The following KCTD16 variants were observed in gnomAD, a reference collection of about 807,000 sequenced individuals.
The protein encoded by KCTD16 is BTB/POZ domain-containing protein KCTD16.
Under a neutral mutation model 33.2 loss-of-function variants are expected in KCTD16, and 13 were observed. The ratio of observed to expected loss-of-function variants is 0.39; its 90% CI spans 0.25 to 0.62. The LOEUF (loss-of-function observed/expected upper bound fraction) is 0.62. Among genes scored for constraint, KCTD16 ranks in the 20% least tolerant of loss-of-function variants. The pLI is 0.50. For missense variants in KCTD16, 441 were observed against 525.1 expected (o/e 0.84, Z 1.57); for synonymous variants, 197 against 195.3 (o/e 1.01, Z -0.07).
At chr5:144,278,742 C>T (rs1221411158) in intron 3 of KCTD16, among the ~76,000 whole-genome samples, 2 of 152,088 alleles carry the variant, frequency 1.3e-5, no homozygotes, top group African/African-American at 4.8e-5. Flanking sequence ...CATGATCCAC[C>T]CGCCTCGGCC....
At chr5:144,425,730 G>A (rs1378067083) in intron 3 of KCTD16, among the ~76,000 whole-genome samples, 1 of 152,058 alleles carries the variant, frequency 6.6e-6, no homozygotes, top group Non-Finnish European at 1.5e-5. Flanking sequence ...GCACTGTGCT[G>A]GAATGCAAGG....
intron 3 of KCTD16, among the ~76,000 whole-genome samples, chr5:144,330,822 C>T (rs1030268102): frequency 1.3e-5 from 2 of 152,134 alleles, no homozygotes; most frequent in African/African-American, 4.8e-5. Context: ...GGTGTGATCC[C>T]GAAGCACACA....
At chr5:144,241,575 A>G (rs560792291) in intron 3 of KCTD16, among the ~76,000 whole-genome samples, 14 of 152,312 alleles carry the variant, frequency 9.2e-5, no homozygotes, top group Non-Finnish European at 1.9e-4. Context: ...AAGGATTGTA[A>G]GTATAAAGAC....
intron 3 of KCTD16, among the ~76,000 whole-genome samples, chr5:144,324,742 G>T (rs1487577561): frequency 6.6e-6 from 1 of 152,314 alleles, no homozygotes. Flanking sequence ...ATACTATGCA[G>T]CCATAAAAAG....
intron 3 of KCTD16, among the ~76,000 whole-genome samples, chr5:144,405,895 G>A (rs1752800378): frequency 6.6e-6 from 1 of 152,080 alleles, no homozygotes; most frequent in Non-Finnish European, 1.5e-5. Flanking sequence ...TAAAACCATT[G>A]GTGATACTAA....
intron 3 of KCTD16, among the ~76,000 whole-genome samples, chr5:144,383,555 A>G (rs961247221): frequency 6.6e-6 from 1 of 152,078 alleles, no homozygotes; most frequent in Non-Finnish European, 1.5e-5. Flanking sequence ...GAAAAAAAAA[A>G]AAAGAAACAT....
chr5:144,361,280 C>A (rs949866933), intron 3 of KCTD16, among the ~76,000 whole-genome samples: 1 of 152,154 alleles, frequency 6.6e-6, no homozygotes, highest in Admixed American at 6.5e-5. Context: ...TGGGTGTATA[C>A]CTAGTAATGG....
chr5:144,289,053 C>G (rs957125506), intron 3 of KCTD16, among the ~76,000 whole-genome samples: 3 of 151,980 alleles, frequency 2.0e-5, no homozygotes, highest in Admixed American at 1.3e-4. Flanking sequence ...AACAAGCAAG[C>G]AAGCATCCTG....
intron 3 of KCTD16, among the ~76,000 whole-genome samples, chr5:144,280,633 CAT>C (rs1448233254): frequency 1.3e-5 from 2 of 152,198 alleles, no homozygotes; most frequent in East Asian, 3.9e-4. Flanking sequence ...GGTTTTAAAA[CAT>C]GTTTTCCGGC....
intron 3 of KCTD16, among the ~76,000 whole-genome samples, chr5:144,277,162 T>C (rs986546943): frequency 2.0e-5 from 3 of 152,226 alleles, no homozygotes; most frequent in Admixed American, 2.0e-4. Context: ...TTTGAAAAGT[T>C]TGCTGTAGGG....
intron 3 of KCTD16, among the ~76,000 whole-genome samples, chr5:144,419,960 A>T (rs774678060): frequency 1.3e-5 from 2 of 152,050 alleles, no homozygotes; most frequent in Non-Finnish European, 2.9e-5. Context: ...CCTAGGAAGA[A>T]CTCCTGAAGC....
chr5:144,214,084 A>T (rs1461230500), intron 3 of KCTD16, among the ~76,000 whole-genome samples: 1 of 152,116 alleles, frequency 6.6e-6, no homozygotes, highest in Non-Finnish European at 1.5e-5. Flanking sequence ...GTGTTTCCCA[A>T]GCTTCTTCTC....
intron 3 of KCTD16, among the ~76,000 whole-genome samples, chr5:144,328,989 A>G (rs1014108961): frequency 2.0e-5 from 3 of 152,124 alleles, no homozygotes; most frequent in African/African-American, 7.2e-5. Flanking sequence ...ATGAACTATA[A>G]ATATGATCAC....
At chr5:144,364,362 C>T (rs1273735603) in intron 3 of KCTD16, among the ~76,000 whole-genome samples, 1 of 152,112 alleles carries the variant, frequency 6.6e-6, no homozygotes, top group Admixed American at 6.6e-5. Flanking sequence ...TTCTCTCTAC[C>T]TCAGTGAGTG....
intron 3 of KCTD16, among the ~76,000 whole-genome samples, chr5:144,456,461 C>G (rs574361816): frequency 6.6e-6 from 1 of 152,088 alleles, no homozygotes; most frequent in Non-Finnish European, 1.5e-5. Context: ...ATCCCCCTGC[C>G]CCAACACACA....
rs192659108 is a variant in KCTD16 at position 144,433,018 on chromosome 5, C to G, written c.833-40642C>G. 2.4e-3 allele frequency among the ~76,000 whole-genome samples: 368 copies of G among 152,144 alleles called. 3 individuals carry two copies. Among genetic ancestry groups the G allele is most frequent in the African/African-American group, 7.7e-3 (321 of 41,516 alleles). On this transcript the variant is annotated intron_variant, in intron 3 of 3. Coordinates refer to ENST00000512467, the MANE Select transcript of KCTD16 (RefSeq NM_020768.4). ...TAGTGGAGAGATTAAATGATTTATT[C>G]AAGACCAAACAATATAAAGTGGCAG...
At chr5:144,297,099 T>C (rs897858777) in intron 3 of KCTD16, among the ~76,000 whole-genome samples, 2 of 152,228 alleles carry the variant, frequency 1.3e-5, no homozygotes, top group African/African-American at 2.4e-5. Flanking sequence ...TAAGAGCCAA[T>C]CTGGAAGATG....
At chr5:144,426,793 G>A (rs2126966239) in intron 3 of KCTD16, among the ~76,000 whole-genome samples, 1 of 152,072 alleles carries the variant, frequency 6.6e-6, no homozygotes, top group Middle Eastern at 3.4e-3. Context: ...TTTATCAAGA[G>A]CCCACTCCTA....
intron 2 of KCTD16, among the ~76,000 whole-genome samples, chr5:144,183,105 A>G (rs1752660412): frequency 6.6e-6 from 1 of 152,194 alleles, no homozygotes; most frequent in Admixed American, 6.5e-5. Context: ...GAAAGAAAGA[A>G]TTCTAAATAT....
Sources: gnomAD v4.1 joint callset for allele counts (sites outside exome capture counted in the v4.1 genomes callset) on GRCh38, gnomAD v4.1.1 for gene constraint, MANE v1.5 for transcripts, NCBI Gene and HGNC (gene_info 2026-07-23, HGNC 2026-07-21) for gene names.